The following DLG2 variants were observed in gnomAD, a reference collection of about 807,000 sequenced individuals.
DLG2 encodes the protein disks large homolog 2.
A neutral mutation model predicts 132.5 loss-of-function variants in DLG2; 45 were observed. The observed-to-expected ratio is 0.34, with a 90% confidence interval of 0.27 to 0.44. The LOEUF is 0.44. Among genes scored for constraint, DLG2 ranks in the 20% least tolerant of loss-of-function variants. The pLI, the probability that DLG2 is intolerant of heterozygous loss-of-function variation, is 1.00. For missense variants in DLG2, 1,045 were observed against 1,196.9 expected (o/e 0.87, Z 1.87); for synonymous variants, 424 against 419.6 (o/e 1.01, Z -0.13).
intron 7 of DLG2, among the ~76,000 whole-genome samples, chr11:84,358,696 C>T (rs534486917): frequency 6.6e-6 from 1 of 151,926 alleles, no homozygotes; most frequent in East Asian, 1.9e-4. Context: ...TGTTCTGTTC[C>T]AGCTCCCACA....
chr11:84,501,616 A>T (rs1305473529), intron 7 of DLG2, among the ~76,000 whole-genome samples: 1 of 152,200 alleles, frequency 6.6e-6, no homozygotes, highest in Non-Finnish European at 1.5e-5. Flanking sequence ...GAATACAAAT[A>T]CTTTGCTTAC....
intron 6 of DLG2, among the ~76,000 whole-genome samples, chr11:84,988,024 G>T (rs899119970): frequency 1.3e-5 from 2 of 152,010 alleles, no homozygotes; most frequent in African/African-American, 4.8e-5. Context: ...TATACATCTG[G>T]CAAAGGACTA....
rs111423099 is a variant in DLG2 at position 83,556,054 on chromosome 11, C to T, written c.1941-14196G>A. On this transcript the variant is annotated intron_variant, in intron 19 of 27. Transcript: ENST00000376104. ...AGGATGAAACTGTGATTAGTCCTCA[C>T]AGGAGTAACCACAGCCACTCAACAG... Among the ~76,000 whole-genome samples, 784 of 152,294 alleles carry T rather than the reference C, an allele frequency of 5.1e-3. 8 individuals carry two copies. Among genetic ancestry groups the T allele is most frequent in the African/African-American group, 0.018 (763 of 41,568 alleles).
intron 4 of DLG2, among the ~76,000 whole-genome samples, chr11:85,279,505 A>G (rs1426325683): frequency 6.6e-6 from 1 of 152,096 alleles, no homozygotes; most frequent in African/African-American, 2.4e-5. Flanking sequence ...AAGCTTATGT[A>G]TGAAAACACT....
intron 18 of DLG2, among the ~76,000 whole-genome samples, chr11:83,695,962 G>C (rs80152047): frequency 3.3e-5 from 5 of 152,156 alleles, no homozygotes; most frequent in African/African-American, 9.7e-5. Flanking sequence ...TGAGAGGCAG[G>C]CTTGGGAGTC....
chr11:83,808,357 T>C (rs1594749314), intron 17 of DLG2, among the ~76,000 whole-genome samples: 2 of 152,152 alleles, frequency 1.3e-5, no homozygotes, highest in East Asian at 3.9e-4. Flanking sequence ...CTTCAGCCTA[T>C]ATTGGGGCCA....
At chr11:85,447,015 G>A (rs1189477506) in intron 3 of DLG2, among the ~76,000 whole-genome samples, 3 of 151,918 alleles carry the variant, frequency 2.0e-5, no homozygotes, top group African/African-American at 4.8e-5. Flanking sequence ...AGTGTGCATT[G>A]GTCATAAGTT....
At chr11:83,475,316 T>C (rs574647644) in intron 22 of DLG2, among the ~76,000 whole-genome samples, 35 of 152,148 alleles carry the variant, frequency 2.3e-4, no homozygotes, top group Non-Finnish European at 3.7e-4. Flanking sequence ...TTCATGTCTT[T>C]GTGGCACTTT....
At chr11:84,862,048 AG>A (rs1262440977) in intron 6 of DLG2, among the ~76,000 whole-genome samples, 2 of 61,076 alleles carry the variant, frequency 3.3e-5, no homozygotes, top group Non-Finnish European at 6.0e-5. Flanking sequence ...GGGTGGGGGG[AG>A]GGGGGAGGGA....
chr11:83,991,614 C>T (rs972693221), intron 11 of DLG2, among the ~76,000 whole-genome samples: 9 of 151,942 alleles, frequency 5.9e-5, no homozygotes, highest in African/African-American at 2.2e-4. Flanking sequence ...GGCCATTCCT[C>T]TGTCCTGTCC....
At chr11:84,933,221 G>C (rs1037317644) in intron 6 of DLG2, among the ~76,000 whole-genome samples, 9 of 152,024 alleles carry the variant, frequency 5.9e-5, no homozygotes, top group Non-Finnish European at 1.2e-4. Flanking sequence ...TGTTCTATTG[G>C]TCTGTATGTC....
chr11:84,807,882 A>G (rs576571979), intron 6 of DLG2, among the ~76,000 whole-genome samples: 37 of 152,300 alleles, frequency 2.4e-4, no homozygotes, highest in African/African-American at 8.4e-4. Context: ...GGACAAATAG[A>G]CAAACACATA....
At chr11:84,786,517 A>C (rs1195789369) in intron 6 of DLG2, among the ~76,000 whole-genome samples, 1 of 152,216 alleles carries the variant, frequency 6.6e-6, no homozygotes, top group Non-Finnish European at 1.5e-5. Context: ...GATCACTTTT[A>C]TAACAAGCTT....
chr11:83,726,938 T>A (rs760804664), intron 18 of DLG2, among the ~76,000 whole-genome samples: 1 of 152,142 alleles, frequency 6.6e-6, no homozygotes, highest in Admixed American at 6.5e-5. Flanking sequence ...AAGACAGGTG[T>A]CTTACCTCTT....
At chr11:83,971,553 G>A (rs2091346507) in intron 12 of DLG2, among the ~76,000 whole-genome samples, 1 of 152,072 alleles carries the variant, frequency 6.6e-6, no homozygotes, top group Non-Finnish European at 1.5e-5. Context: ...TATAGAGATG[G>A]CAAGATACTG....
chr11:83,616,854 A>T (rs906716177), intron 19 of DLG2, among the ~76,000 whole-genome samples: 7 of 152,174 alleles, frequency 4.6e-5, no homozygotes, highest in African/African-American at 1.4e-4. Context: ...AGCCATTTTT[A>T]AAAAAGTTGG....
At chr11:84,700,147 C>T (rs1195834579) in intron 6 of DLG2, among the ~76,000 whole-genome samples, 1 of 151,546 alleles carries the variant, frequency 6.6e-6, no homozygotes, top group Non-Finnish European at 1.5e-5. Context: ...GCAAGAAGAA[C>T]TTGGGTGAAA....
chr11:83,904,081 CA>C (rs751027504), intron 15 of DLG2, among the ~76,000 whole-genome samples: 1 of 152,110 alleles, frequency 6.6e-6, no homozygotes, highest in Non-Finnish European at 1.5e-5. Context: ...TATTTGATCA[CA>C]AGCACTGCAA....
intron 6 of DLG2, among the ~76,000 whole-genome samples, chr11:84,937,922 G>T (rs554896117): frequency 2.0e-5 from 3 of 152,172 alleles, no homozygotes; most frequent in Non-Finnish European, 2.9e-5. Context: ...GGTAGGAGGG[G>T]ACTTGGAGAG....
Sources: gnomAD v4.1 joint callset for allele counts (sites outside exome capture counted in the v4.1 genomes callset) on GRCh38, gnomAD v4.1.1 for gene constraint, MANE v1.5 for transcripts, NCBI Gene and HGNC (gene_info 2026-07-23, HGNC 2026-07-21) for gene names.